Variants in PCDH11Y observed in about 807,000 individuals in gnomAD.
PCDH11Y encodes protocadherin 11 Y-linked, also known as protocadherin-11 Y-linked.
For missense variants in PCDH11Y, 12 were observed against 224.8 expected, an observed-to-expected ratio of 0.05 and a Z score of 6.05; for synonymous variants, 9 against 83.6, an observed-to-expected ratio of 0.11 and a Z score of 4.87.
chrY:5,670,518 G>C, intron 4 of PCDH11Y, among the ~76,000 whole-genome samples: 1 of 32,916 alleles, frequency 3.0e-5, no homozygotes, highest in Non-Finnish European at 7.6e-5. Context: ...GGGTTGAGAG[G>C]ATATCTCATT....
intron 2 of PCDH11Y, among the ~76,000 whole-genome samples, chrY:5,134,846 C>A (rs1569475537): frequency 6.5e-5 from 2 of 30,919 alleles, no homozygotes; most frequent in East Asian, 1.7e-3. Flanking sequence ...GCTTCAAGAA[C>A]CCCCACAGGA....
intron 3 of PCDH11Y, among the ~76,000 whole-genome samples, chrY:5,559,382 TC>T (rs2053426828): frequency 8.9e-5 from 3 of 33,674 alleles, no homozygotes; most frequent in African/African-American, 3.5e-4. Flanking sequence ...GCAGCCTCTT[TC>T]CTATATAGTG....
At chrY:5,423,036 G>A in intron 2 of PCDH11Y, among the ~76,000 whole-genome samples, 1 of 32,732 alleles carries the variant, frequency 3.1e-5, no homozygotes, top group Non-Finnish European at 7.5e-5. Flanking sequence ...TATCTCATAA[G>A]GAGTTGATAT....
intron 4 of PCDH11Y, among the ~76,000 whole-genome samples, chrY:5,665,316 A>C: frequency 8.8e-5 from 3 of 34,159 alleles, no homozygotes; most frequent in Non-Finnish European, 1.5e-4. Flanking sequence ...AAATAGAGCA[A>C]AGAAAAATAT....
chrY:5,080,663 C>A (rs2124631983), intron 1 of PCDH11Y, among the ~76,000 whole-genome samples: 1 of 31,496 alleles, frequency 3.2e-5, no homozygotes, highest in South Asian at 7.3e-4. Context: ...TTTCTGGTCG[C>A]ATGTATATCT....
chrY:5,492,797 C>A (rs1602933625), intron 2 of PCDH11Y, among the ~76,000 whole-genome samples: 2 of 31,939 alleles, frequency 6.3e-5, no homozygotes, highest in Admixed American at 5.9e-4. Context: ...GATTATAGAA[C>A]TTCAATGTTT....
chrY:5,338,914 CA>C, intron 2 of PCDH11Y: 1 of 242,888 alleles, frequency 4.1e-6, no homozygotes, highest in South Asian at 3.4e-5. Flanking sequence ...ATTCGGGCTC[CA>C]TCCCATCGGG....
intron 4 of PCDH11Y, among the ~76,000 whole-genome samples, chrY:5,625,390 CTTTTTTTTTTTTTT>C (rs1237932380): frequency 1.8e-4 from 1 of 5,485 alleles, no homozygotes; most frequent in Non-Finnish European, 4.3e-4. Flanking sequence ...ATTTTCTTTT[CTTTTTTTTTTTTTT>C]TTTTTTTTTT....
At chrY:5,309,765 GA>G (rs2053095667) in intron 2 of PCDH11Y, among the ~76,000 whole-genome samples, 6 of 32,143 alleles carry the variant, frequency 1.9e-4, no homozygotes, top group African/African-American at 7.3e-4. Flanking sequence ...GTGATTGGCT[GA>G]AACTTCGCTC....
At chrY:5,365,824 TTCTA>T (rs2053179657) in intron 2 of PCDH11Y, among the ~76,000 whole-genome samples, 1 of 33,582 alleles carries the variant, frequency 3.0e-5, no homozygotes. Flanking sequence ...TTTTTAAAAA[TTCTA>T]TATTCCATTT....
intron 4 of PCDH11Y, among the ~76,000 whole-genome samples, chrY:5,671,458 A>G (rs2053549243): frequency 3.0e-5 from 1 of 33,596 alleles, no homozygotes; most frequent in Admixed American, 2.8e-4. Context: ...TCAGTGTTTT[A>G]TAGCTTTCAT....
intron 4 of PCDH11Y, among the ~76,000 whole-genome samples, chrY:5,626,117 C>G: frequency 3.2e-5 from 1 of 30,780 alleles, no homozygotes; most frequent in Non-Finnish European, 7.9e-5. Flanking sequence ...GCAATTTATT[C>G]CTGGTTCAAT....
At chrY:5,664,659 A>G in intron 4 of PCDH11Y, among the ~76,000 whole-genome samples, 1 of 27,945 alleles carries the variant, frequency 3.6e-5, no homozygotes, top group Admixed American at 3.3e-4. Flanking sequence ...CTGGAGTGCA[A>G]TGGAGCCGTC....
intron 2 of PCDH11Y, among the ~76,000 whole-genome samples, chrY:5,150,381 C>T: frequency 3.1e-5 from 1 of 32,366 alleles, no homozygotes; most frequent in Non-Finnish European, 7.6e-5. Context: ...TCCTACAATG[C>T]TATAGAATAC....
intron 2 of PCDH11Y, among the ~76,000 whole-genome samples, chrY:5,462,626 CATT>C (rs1210309353): frequency 0.01 from 306 of 30,535 alleles, no homozygotes; most frequent in Admixed American, 0.031. Flanking sequence ...TCAAAATTAT[CATT>C]ATTATTATTA....
chrY:5,664,410 A>C, intron 4 of PCDH11Y, among the ~76,000 whole-genome samples: 3 of 32,428 alleles, frequency 9.3e-5, no homozygotes, highest in African/African-American at 3.6e-4. Flanking sequence ...CATAAAAACT[A>C]GGGAGGCATA....
chrY:5,704,721 G>T, intron 4 of PCDH11Y, among the ~76,000 whole-genome samples: 1 of 32,635 alleles, frequency 3.1e-5, no homozygotes, highest in Non-Finnish European at 7.5e-5. Flanking sequence ...GAGCCACCGC[G>T]CCCGGCCAAA....
intron 2 of PCDH11Y, among the ~76,000 whole-genome samples, chrY:5,122,740 C>G (rs2124640239): frequency 6.2e-5 from 2 of 32,007 alleles, no homozygotes; most frequent in African/African-American, 2.5e-4. Flanking sequence ...TTTGCTCCCT[C>G]ATAAAACACT....
intron 2 of PCDH11Y, among the ~76,000 whole-genome samples, chrY:5,214,363 A>T: frequency 3.0e-5 from 1 of 32,936 alleles, no homozygotes; most frequent in African/African-American, 1.2e-4. Context: ...TTGGATCTGT[A>T]GGTTTGTGTT....
Sources: allele counts gnomAD v4.1 joint callset (sites outside exome capture counted in the v4.1 genomes callset), GRCh38; gene constraint gnomAD v4.1.1; transcripts MANE v1.5; gene names NCBI Gene and HGNC (gene_info 2026-07-23, HGNC 2026-07-21).